Variants in KSR2 observed in about 807,000 individuals in gnomAD.
KSR2 encodes kinase suppressor of ras 2.
In KSR2, 25 loss-of-function variants were observed where a neutral mutation model predicts 107.8. The observed-to-expected ratio is 0.23, with a 90% CI of 0.17 to 0.32. The LOEUF (loss-of-function observed/expected upper bound fraction) is 0.32, where lower values mean the gene tolerates loss of function less well. Ranked by LOEUF, KSR2 falls within the 10% of genes least tolerant of loss-of-function variation. The probability of loss-of-function intolerance (pLI) is 1.00; values close to 1 mark genes in which losing one functional copy is unlikely to be tolerated. For synonymous variants in KSR2, 480 were observed against 507.0 expected (o/e 0.95, Z 0.71); for missense variants, 887 against 1,268.9 (o/e 0.70, Z 4.57).
chr12:117,560,637 T>C (rs1475111529), intron 7 of KSR2, among the ~76,000 whole-genome samples: 1 of 152,214 alleles, frequency 6.6e-6, no homozygotes, highest in African/African-American at 2.4e-5. Context: ...CCTTATGAGA[T>C]GGTTTGAATA....
chr12:117,779,032 G>A, intron 3 of KSR2, among the ~76,000 whole-genome samples: 1 of 152,130 alleles, frequency 6.6e-6, no homozygotes, highest in Non-Finnish European at 1.5e-5. Context: ...CAGATTCAGT[G>A]GGGCCAGCAC....
chr12:117,877,293 C>T (rs1893885792), intron 1 of KSR2, among the ~76,000 whole-genome samples: 1 of 151,992 alleles, frequency 6.6e-6, no homozygotes, highest in South Asian at 2.1e-4. Flanking sequence ...GCCAAGATCG[C>T]ACCACTGCAC....
intron 3 of KSR2, among the ~76,000 whole-genome samples, chr12:117,786,676 CGTG>C (rs199554754): frequency 0.035 from 5,365 of 152,068 alleles, 131 homozygotes; most frequent in Middle Eastern, 0.054. Context: ...ATTAACTGGG[CGTG>C]GTGGTGGGTG....
At chr12:117,470,277 C>T (rs1871367399) in intron 18 of KSR2, among the ~76,000 whole-genome samples, 1 of 151,808 alleles carries the variant, frequency 6.6e-6, no homozygotes, top group Admixed American at 6.6e-5. Flanking sequence ...ACTCTTCCAT[C>T]CTTCATCCAT....
chr12:117,567,661 CAA>C (rs57039581), intron 7 of KSR2, among the ~76,000 whole-genome samples: 33 of 134,892 alleles, frequency 2.4e-4, no homozygotes, highest in Admixed American at 3.0e-4. Context: ...AGGCTTCTCG[CAA>C]AAAAAAAAAA....
chr12:117,899,981 G>A (rs965421305), intron 1 of KSR2, among the ~76,000 whole-genome samples: 5 of 152,152 alleles, frequency 3.3e-5, no homozygotes, highest in African/African-American at 1.2e-4. Context: ...CCAACAACTC[G>A]AATGACCTTA....
At chr12:117,531,084 G>A in intron 11 of KSR2, 71 bp from the exon 12 acceptor site, 1 of 1,280,274 alleles carries the variant, frequency 7.8e-7, no homozygotes, top group Non-Finnish European at 1.1e-6. Context: ...CCTGATTCCT[G>A]GGCGACATGG....
chr12:117,495,034 CATAG>C (rs1428206075), intron 14 of KSR2, among the ~76,000 whole-genome samples: 2 of 152,218 alleles, frequency 1.3e-5, no homozygotes, highest in Non-Finnish European at 2.9e-5. Context: ...AAATAAAAGA[CATAG>C]ATAGCTGGGT....
At chr12:117,608,691 T>C (rs1179079433) in intron 5 of KSR2, among the ~76,000 whole-genome samples, 4 of 152,226 alleles carry the variant, frequency 2.6e-5, no homozygotes, top group African/African-American at 9.7e-5. Context: ...ATGGATTATA[T>C]GATCTTTATA....
At chr12:117,836,833 G>A (rs1412208803) in intron 3 of KSR2, among the ~76,000 whole-genome samples, 1 of 152,230 alleles carries the variant, frequency 6.6e-6, no homozygotes, top group Non-Finnish European at 1.5e-5. Flanking sequence ...CAGCCTCTCG[G>A]GAGGGCTCCC....
intron 14 of KSR2, among the ~76,000 whole-genome samples, chr12:117,499,035 T>C (rs1374838092): frequency 6.6e-6 from 1 of 152,214 alleles, no homozygotes; most frequent in Non-Finnish European, 1.5e-5. Flanking sequence ...AAATTAGTAA[T>C]GAACTTTGAG....
intron 3 of KSR2, among the ~76,000 whole-genome samples, chr12:117,794,583 A>C (rs1890544440): frequency 6.7e-6 from 1 of 148,270 alleles, no homozygotes. Flanking sequence ...GCACACATAC[A>C]TCAACATGCA....
chr12:117,661,374 C>T (rs1474436846), intron 5 of KSR2, among the ~76,000 whole-genome samples: 1 of 152,030 alleles, frequency 6.6e-6, no homozygotes, highest in Non-Finnish European at 1.5e-5. Flanking sequence ...ATTGGTAACT[C>T]TACATGGTTA....
chr12:117,709,938 T>C (rs151043431), intron 4 of KSR2, among the ~76,000 whole-genome samples: 5 of 152,262 alleles, frequency 3.3e-5, no homozygotes, highest in African/African-American at 4.8e-5. Flanking sequence ...GGAGAGGAGA[T>C]ACTAAGCGCA....
At chr12:117,620,207 G>A (rs1480729763) in intron 5 of KSR2, among the ~76,000 whole-genome samples, 1 of 152,120 alleles carries the variant, frequency 6.6e-6, no homozygotes, top group Non-Finnish European at 1.5e-5. Context: ...CTGAACCCAC[G>A]TCTAAAAGCT....
intron 15 of KSR2, 56 bp downstream of exon 15, chr12:117,485,539 T>C (rs1872413664): frequency 7.2e-7 from 1 of 1,391,742 alleles, no homozygotes; most frequent in Middle Eastern, 1.8e-4. Flanking sequence ...GGGGCTTCCC[T>C]GGGGGAAACT....
intron 3 of KSR2, among the ~76,000 whole-genome samples, chr12:117,816,156 T>A (rs1891362730): frequency 6.6e-6 from 1 of 151,998 alleles, no homozygotes; most frequent in East Asian, 1.9e-4. Flanking sequence ...ATGGTGGGAA[T>A]GACATTATAT....
chr12:117,525,276 T>G, intron 13 of KSR2, 57 bp from the exon 14 acceptor site: 1 of 1,507,910 alleles, frequency 6.6e-7, no homozygotes, highest in Non-Finnish European at 8.9e-7. Flanking sequence ...CCAGCCTCCC[T>G]CATGGTCCTG....
chr12:117,717,666 GGTGTGTGTGTGTGTGTGTGTGT>G (rs55910019), intron 4 of KSR2, among the ~76,000 whole-genome samples: 6 of 144,366 alleles, frequency 4.2e-5, no homozygotes, highest in East Asian at 2.1e-4. Flanking sequence ...GGGGCAGACA[GGTGTGTGTGTGTGTGTGTGTGT>G]GTGTGTGTGT....
Sources: gnomAD v4.1 joint callset for allele counts (sites outside exome capture counted in the v4.1 genomes callset) on GRCh38, gnomAD v4.1.1 for gene constraint, MANE v1.5 for transcripts, NCBI Gene and HGNC (gene_info 2026-07-23, HGNC 2026-07-21) for gene names.